The following CALN1 variants were observed in gnomAD, a reference collection of about 807,000 sequenced individuals.
CALN1 encodes the protein calcium-binding protein 8.
Under a neutral mutation model 30.6 loss-of-function variants are expected in CALN1, and 17 were observed. The ratio of observed to expected loss-of-function variants is 0.56; its 90% CI spans 0.38 to 0.83. CALN1 has a LOEUF of 0.83. CALN1 is among the 40% of genes least tolerant of loss of function. CALN1 has a pLI of 0.00. For synonymous variants in CALN1, 156 were observed against 131.4 expected (o/e 1.19, Z -1.28); for missense variants, 291 against 354.9 (o/e 0.82, Z 1.45).
At chr7:72,407,700 C>T (rs1806797960) in intron 1 of CALN1, among the ~76,000 whole-genome samples, 1 of 152,178 alleles carries the variant, frequency 6.6e-6, no homozygotes, top group Non-Finnish European at 1.5e-5. Flanking sequence ...TCAGGGATTT[C>T]TTCAGAGCAG....
intron 4 of CALN1, among the ~76,000 whole-genome samples, chr7:72,091,179 A>C (rs1805834020): frequency 6.6e-6 from 1 of 152,138 alleles, no homozygotes; most frequent in Admixed American, 6.5e-5. Context: ...AAATACAAAA[A>C]AAATTAGCCA....
intron 5 of CALN1, among the ~76,000 whole-genome samples, chr7:71,914,153 A>G (rs1794569821): frequency 6.6e-6 from 1 of 152,154 alleles, no homozygotes; most frequent in Non-Finnish European, 1.5e-5. Context: ...CATCACCTAG[A>G]TATTAAGCCT....
intron 3 of CALN1, among the ~76,000 whole-genome samples, chr7:72,127,735 A>AT (rs1808866211): frequency 6.6e-6 from 1 of 152,220 alleles, no homozygotes; most frequent in Non-Finnish European, 1.5e-5. Context: ...GTGTAGGGTG[A>AT]TGGCAACATT....
chr7:72,497,975 GA>G, the CALN1 span, among the ~76,000 whole-genome samples: 1 of 152,064 alleles, frequency 6.6e-6, no homozygotes, highest in Non-Finnish European at 1.5e-5. Flanking sequence ...AAAAGATGTG[GA>G]AACTCTCAAA....
intron 2 of CALN1, among the ~76,000 whole-genome samples, chr7:72,371,160 A>G (rs1804220884): frequency 6.6e-6 from 1 of 151,720 alleles, no homozygotes; most frequent in Non-Finnish European, 1.5e-5. Flanking sequence ...TGCCTAACCT[A>G]GGGTTGCAAA....
At chr7:72,278,545 C>G in intron 3 of CALN1, 141 bp downstream of exon 3, 1 of 1,137,950 alleles carries the variant, frequency 8.8e-7, no homozygotes, top group East Asian at 2.6e-5. Flanking sequence ...TCTCTGAACT[C>G]TTTCCCATTA....
rs111803781 is a variant in CALN1, at chr7:72,354,587, G to T, written c.119+48664C>A. The stretch of plus-strand genomic sequence containing the variant: ...CAAGAGAGTGTGGTTTTGGCACAAG[G>T]ATAGATGTATAGAGCAAAGGAACAG... On this transcript the variant is annotated intron_variant, in intron 2 of 6. Transcript: ENST00000395275. 4.9e-3 allele frequency among the ~76,000 whole-genome samples: 744 copies of T among 152,282 alleles called. 3 individuals carry two copies. Among genetic ancestry groups the T allele is most frequent in the African/African-American group, 0.017 (704 of 41,552 alleles).
At chr7:71,973,096 G>C (rs921340436) in intron 5 of CALN1, among the ~76,000 whole-genome samples, 1 of 152,062 alleles carries the variant, frequency 6.6e-6, no homozygotes, top group Admixed American at 6.6e-5. Context: ...AACATAAGTA[G>C]GTGCTCTCTA....
intron 6 of CALN1, among the ~76,000 whole-genome samples, chr7:71,802,853 T>A (rs1398163148): frequency 6.6e-6 from 1 of 152,046 alleles, no homozygotes; most frequent in Admixed American, 6.6e-5. Flanking sequence ...TGAAACCTTG[T>A]CTGTACTAAA....
chr7:72,002,590 G>C (rs551358431), intron 5 of CALN1, among the ~76,000 whole-genome samples: 1 of 152,224 alleles, frequency 6.6e-6, no homozygotes, highest in Admixed American at 6.5e-5. Context: ...ATACAGATTG[G>C]AAAAGAAGGA....
At chr7:72,250,728 C>T (rs1439877151) in intron 3 of CALN1, among the ~76,000 whole-genome samples, 4 of 152,020 alleles carry the variant, frequency 2.6e-5, no homozygotes, top group Admixed American at 6.6e-5. Context: ...CCCCCTCTTG[C>T]GACGTGATGC....
At chr7:72,424,732 G>T (rs1041223701) in intron 1 of CALN1, among the ~76,000 whole-genome samples, 2 of 152,006 alleles carry the variant, frequency 1.3e-5, no homozygotes, top group Non-Finnish European at 2.9e-5. Context: ...CAGTAGCTGG[G>T]ACTACAGATG....
At chr7:72,455,423 A>T in the CALN1 span, among the ~76,000 whole-genome samples, 53 of 151,184 alleles carry the variant, frequency 3.5e-4, no homozygotes, top group Middle Eastern at 3.4e-3. Context: ...TTATATATAT[A>T]TTTTTTCTCT....
chr7:71,992,229 T>C (rs1293904532), intron 5 of CALN1, among the ~76,000 whole-genome samples: 1 of 152,214 alleles, frequency 6.6e-6, no homozygotes, highest in Non-Finnish European at 1.5e-5. Flanking sequence ...ACAAGCTGCA[T>C]AGAAAAGAAA....
In CALN1 at chr7:72,362,810, A is replaced by ACCT. The variant is rs1322915884; in HGVS notation, c.119+40438_119+40440dup. On this transcript the variant is annotated intron_variant, in intron 2 of 6. Transcript: ENST00000395275. ...TCCTCTTGATCCCAGCCCAGCCATCACCTCCTCGGGCCAGCATCCATTTCC... is the reference window on the plus strand; with the variant it reads ...TCCTCTTGATCCCAGCCCAGCCATCACCTCCTCCTCGGGCCAGCATCCATTTCC... 2.0e-5 allele frequency among the ~76,000 whole-genome samples: 3 copies of ACCT among 151,728 alleles called. No individual in the cohort carries two copies. In the East Asian group the frequency reaches 5.8e-4, roughly 30 times the overall value.
At chr7:72,221,982 T>C (rs903434179) in intron 3 of CALN1, among the ~76,000 whole-genome samples, 2 of 151,790 alleles carry the variant, frequency 1.3e-5, no homozygotes, top group African/African-American at 2.4e-5. Context: ...TCCCAGCACT[T>C]TGGGAGGCCA....
At chr7:72,295,313 AAAC>A (rs925745302) in intron 2 of CALN1, among the ~76,000 whole-genome samples, 6 of 152,146 alleles carry the variant, frequency 3.9e-5, no homozygotes, top group African/African-American at 1.4e-4. Context: ...AAAATAACAA[AAAC>A]AATACTTATT....
chr7:72,106,052 G>C, intron 4 of CALN1, 99 bp downstream of exon 4: 1 of 1,442,884 alleles, frequency 6.9e-7, no homozygotes, highest in South Asian at 1.4e-5. Context: ...TGTAAACCAA[G>C]TCTCTGGATT....
At chr7:72,058,469 C>A (rs751832929) in intron 4 of CALN1, among the ~76,000 whole-genome samples, 2 of 152,080 alleles carry the variant, frequency 1.3e-5, no homozygotes, top group Non-Finnish European at 2.9e-5. Context: ...AGGTGCCCAC[C>A]ACCACACTCA....
Sources: allele counts gnomAD v4.1 joint callset (sites outside exome capture counted in the v4.1 genomes callset), GRCh38; gene constraint gnomAD v4.1.1; transcripts MANE v1.5; gene names NCBI Gene and HGNC (gene_info 2026-07-23, HGNC 2026-07-21).